Variants in NTRK1 observed in about 807,000 individuals in gnomAD.
The protein encoded by NTRK1 is high affinity nerve growth factor receptor.
In NTRK1, 62 loss-of-function variants were observed where a neutral mutation model predicts 86.8. The ratio of observed to expected loss-of-function variants is 0.71; its 90% CI spans 0.58 to 0.88. NTRK1 has a LOEUF of 0.88. Ranked by LOEUF, NTRK1 falls within the 40% of genes least tolerant of loss-of-function variation. The pLI, the probability that NTRK1 is intolerant of heterozygous loss-of-function variation, is 0.00. For missense variants in NTRK1, 967 were observed against 1,078.4 expected, an observed-to-expected ratio of 0.90 and a Z score of 1.45; for synonymous variants, 469 against 456.6, an observed-to-expected ratio of 1.03 and a Z score of -0.35.
rs578124397 is a variant in NTRK1, at chr1:156,844,296, C to G, written c.50+2103C>G. On this transcript the variant is annotated intron_variant, in intron 2 of 16. Coordinates refer to the NTRK1 transcript ENST00000392302. ...TCCTCCTCCTCTGGCAGTCAGAGGG[C>G]AGCAGAGGGTAGAGTCAAAGATGTA... The G allele has an allele frequency of 4.4e-6, 7 of 1,595,930 alleles. No individual in the cohort carries two copies. In the South Asian group the frequency reaches 5.5e-5, roughly 13 times the overall value.
At chr1:156,857,054 A>C (rs1655429916), upstream of NTRK1, among the ~76,000 whole-genome samples, 1 of 151,770 alleles carries the variant, frequency 6.6e-6, no homozygotes, top group South Asian at 2.1e-4. Flanking sequence ...CATTCCTGAT[A>C]GTTTGTTAAG....
In NTRK1 at chr1:156,863,143, G is replaced by A. The variant is rs534780955; in HGVS notation, c.213-1211G>A. Among the ~76,000 whole-genome samples, 6 of 152,184 alleles carry A rather than the reference G, an allele frequency of 3.9e-5. No homozygotes were observed. In the East Asian group the frequency reaches 1.2e-3, roughly 29 times the overall value. On this transcript the variant is annotated intron_variant, in intron 1 of 16. Transcript: ENST00000524377. ...GTTCTCAGGAACTCCCTGGTATGTC[G>A]GATCCAGCAGCTAGGCAGGCCCCAG...
chr1:156,846,225 G>A (rs1655003509), intron 2 of NTRK1: 2 of 1,207,908 alleles, frequency 1.7e-6, no homozygotes, highest in Non-Finnish European at 2.3e-6. Context: ...TTCTCCCAAA[G>A]AATAGGTGAT....
chr1:156,848,887 C>T (rs1271480125), intron 2 of NTRK1: 1 of 1,546,562 alleles, frequency 6.5e-7, no homozygotes, highest in East Asian at 2.4e-5. Context: ...TCGTCCGGTC[C>T]CGCCCCCGCT....
At position 156,879,204 on chromosome 1, in the gene NTRK1, G is replaced by C. The variant is rs1405634315; in HGVS notation, c.1888G>C (p.Val630Leu). 1 of 1,613,956 alleles carries C rather than the reference G, an allele frequency of 6.2e-7. No individual in the cohort carries two copies. Among genetic ancestry groups the C allele is most frequent in the African/African-American group, 1.3e-5 (1 of 75,022 alleles). The change falls in exon 15 of 17, where the codon GTG becomes CTG. Residue 630 changes from valine (V) to leucine (L), a missense_variant. By Grantham distance (32) the Val-to-Leu change is conservative. Around this residue, in one of 2 missense-constraint regions of NTRK1, gnomAD observed 637 missense variants for 776.5 expected, o/e 0.82. Coordinates refer to ENST00000524377, the MANE Select transcript of NTRK1 (RefSeq NM_002529.4). ...CCTGGGTCTGGGGCAGCTGCTGGCC[G>C]TGGCTAGCCAGGTCGCTGCGGGGAT... ...GPLGLGQLLA[V>L]ASQVAAGMVY...
Position 156,838,374 on chromosome 1 carries a change from GC to G in NTRK1, c.-63-3706del, listed in dbSNP as rs113597802. Among the ~76,000 whole-genome samples the G allele has an allele frequency of 6.8e-3, 993 of 145,514 alleles. 10 individuals are homozygous for G. The highest frequency in any genetic ancestry group is 0.02 in the African/African-American group (783 of 40,006). On this transcript the variant is annotated intron_variant, in intron 1 of 16. Transcript: ENST00000392302. The stretch of plus-strand genomic sequence containing the variant: ...CCTGTCTTCTCCCAGCCAGCTACAG[GC>G]TTTTTTTTTTTTCTGGAGTTCTGTC...
At chr1:156,843,752 C>A (rs1048917964) in intron 2 of NTRK1, among the ~76,000 whole-genome samples, 4 of 152,236 alleles carry the variant, frequency 2.6e-5, no homozygotes, top group African/African-American at 7.2e-5. Context: ...GGTCCAGCCC[C>A]ATTTTCCTCT....
chr1:156,835,949 G>A (rs927076221), intron 1 of NTRK1, among the ~76,000 whole-genome samples: 3 of 152,038 alleles, frequency 2.0e-5, no homozygotes, highest in African/African-American at 7.2e-5. Context: ...CTCCCTCTCC[G>A]TTTCTTGTCT....
intron 3 of NTRK1, 115 bp downstream of exon 3, chr1:156,864,914 G>GT: frequency 9.7e-7 from 1 of 1,026,774 alleles, no homozygotes; most frequent in Non-Finnish European, 1.5e-6. Flanking sequence ...GCCTGGTCAG[G>GT]GAAGTCACCT....
intron 1 of NTRK1, among the ~76,000 whole-genome samples, chr1:156,834,554 T>C (rs1473310353): frequency 6.6e-6 from 1 of 152,228 alleles, no homozygotes; most frequent in Admixed American, 6.5e-5. Context: ...ACTGGCTGTG[T>C]GATCTTAGGC....
Position 156,824,301 on chromosome 1 carries a change from G to A in NTRK1, c.-64+8463G>A, listed in dbSNP as rs1201857696. On this transcript the variant is annotated intron_variant, in intron 1 of 16. Coordinates refer to the NTRK1 transcript ENST00000392302. Reference sequence around the variant, plus strand: ...TACTGTTGTCCTTCAGACACCTCCCGAGTGGAGCCACAGTGCTGTTAGCAC... The same window carrying A: ...TACTGTTGTCCTTCAGACACCTCCCAAGTGGAGCCACAGTGCTGTTAGCAC... Among the ~76,000 whole-genome samples the A allele has an allele frequency of 3.3e-5, 5 of 152,068 alleles. No homozygotes were observed. The East Asian group carries it at 5.8e-4, about 18-fold the overall frequency.
chr1:156,851,388 G>A (rs1374807220), intron 2 of NTRK1: 2 of 1,614,172 alleles, frequency 1.2e-6, no homozygotes, highest in Non-Finnish European at 8.5e-7. Flanking sequence ...AGCCAGTAAT[G>A]GTTTCTACCA....
At chr1:156,845,387 T>G in intron 2 of NTRK1, 1 of 1,568,132 alleles carries the variant, frequency 6.4e-7, no homozygotes, top group South Asian at 1.2e-5. Context: ...GGGGCTCTTG[T>G]TGATGGACGT....
rs1648165445 is a variant in NTRK1 at position 156,880,060 on chromosome 1, A to C, written c.2108A>C (p.Lys703Thr). Residue 703 changes from lysine to threonine, a missense_variant, in exon 16 of 17, where the codon AAG becomes ACG. Transcript: ENST00000524377. ...CCGCCCGAGAGCATCCTGTACCGTAAGTTCACCACCGAGAGCGACGTGTGG... is the reference window on the plus strand; with the variant it reads ...CCGCCCGAGAGCATCCTGTACCGTACGTTCACCACCGAGAGCGACGTGTGG... Reference protein sequence around the residue: ...WMPPESILYRKFTTESDVWSF... With the variant: ...WMPPESILYRTFTTESDVWSF... 2 of 1,596,608 alleles carry C rather than the reference A, an allele frequency of 1.3e-6. No individual in the cohort carries two copies. The highest frequency in any genetic ancestry group is 1.4e-5 in the African/African-American group (1 of 69,550).
chr1:156,833,080 G>A (rs1490884289), intron 1 of NTRK1, among the ~76,000 whole-genome samples: 1 of 152,200 alleles, frequency 6.6e-6, no homozygotes, highest in East Asian at 1.9e-4. Context: ...GCCCAGAGTG[G>A]TACACCAAGT....
intron 2 of NTRK1, chr1:156,844,347 T>C: frequency 6.4e-7 from 1 of 1,555,464 alleles, no homozygotes. Flanking sequence ...GTCATGCTTC[T>C]CTTTCCATGC....
chr1:156,844,243 A>G, intron 2 of NTRK1: 2 of 1,613,966 alleles, frequency 1.2e-6, no homozygotes, highest in Non-Finnish European at 1.7e-6. Flanking sequence ...CAGGGGTGGC[A>G]GTGAGGAGGA....
chr1:156,869,165 G>A (rs1045695947), intron 6 of NTRK1, among the ~76,000 whole-genome samples: 6 of 151,698 alleles, frequency 4.0e-5, no homozygotes, highest in African/African-American at 1.2e-4. Flanking sequence ...TCCGCCTCTC[G>A]GGTTCAAGCG....
chr1:156,878,570 T>C (rs904080727), intron 14 of NTRK1, among the ~76,000 whole-genome samples: 2 of 152,054 alleles, frequency 1.3e-5, no homozygotes, highest in African/African-American at 2.4e-5. Context: ...AGAAGGAACA[T>C]TGGGGAATAT....
Sources: allele counts gnomAD v4.1 joint callset (sites outside exome capture counted in the v4.1 genomes callset), GRCh38; gene constraint gnomAD v4.1.1; regional missense constraint gnomAD v4.1.1; transcripts MANE v1.5; gene names NCBI Gene and HGNC (gene_info 2026-07-23, HGNC 2026-07-21).